Variants in MTARC2 observed in about 807,000 individuals in gnomAD.
The protein encoded by MTARC2 is MOCO sulphurase C-terminal domain containing 2.
Under a neutral mutation model 35.6 loss-of-function variants are expected in MTARC2, and 27 were observed. The ratio of observed to expected loss-of-function variants is 0.76; its 90% confidence interval spans 0.56 to 1.04. MTARC2 has a LOEUF of 1.04. Among genes scored for constraint, MTARC2 ranks in the 50% least tolerant of loss-of-function variants. MTARC2 has a pLI of 0.00. For synonymous variants in MTARC2, 158 were observed against 167.1 expected, an observed-to-expected ratio of 0.95 and a Z score of 0.42; for missense variants, 412 against 432.5, an observed-to-expected ratio of 0.95 and a Z score of 0.42.
intron 1 of MTARC2, among the ~76,000 whole-genome samples, 153 bp from the exon 2 acceptor site, chr1:220,754,794 T>G (rs1671230875): frequency 6.6e-6 from 1 of 152,198 alleles, no homozygotes; most frequent in Non-Finnish European, 1.5e-5. Flanking sequence ...TAGACCCAAA[T>G]CATTTGGCCA....
At position 220,782,283 on chromosome 1, in the gene MTARC2, A is replaced by AT. The variant is rs3830379; in HGVS notation, c.*31+357dup. On this transcript the variant is annotated intron_variant, in intron 7 of 7. Coordinates refer to ENST00000366913, the MANE Select transcript of MTARC2 (RefSeq NM_017898.5). ...TGTACATTCTCAGAGTTATGTATTT[A>AT]TTTTTTCTGTCTCAGATAGAAGGGA... Among the ~76,000 whole-genome samples, 370 of 152,190 alleles carry AT rather than the reference A, an allele frequency of 2.4e-3. 5 individuals are homozygous for AT. The East Asian group carries it at 0.029, about 12-fold the overall frequency.
chr1:220,753,522 G>A (rs146045159), intron 1 of MTARC2, among the ~76,000 whole-genome samples: 11 of 152,268 alleles, frequency 7.2e-5, no homozygotes, highest in Middle Eastern at 3.4e-3. Flanking sequence ...GGGCAGAGAC[G>A]GAGCTCCCTG....
chr1:220,781,875 G>A lies in MTARC2; in HGVS notation c.982G>A (p.Gly328Ser). 6.2e-7 allele frequency: 1 copy of A among 1,614,156 alleles called. No homozygotes were observed. Among genetic ancestry groups the A allele is most frequent in the Non-Finnish European group, 8.5e-7 (1 of 1,180,008 alleles). ...SVEKIGSLRVGDPVYRMV is the reference protein window; with the variant it reads ...SVEKIGSLRVSDPVYRMV ...GGAAAAAATTGGAAGCCTGAGAGTT[G>A]GTGACCCTGTGTATCGGATGGTGTA... Residue 328 changes from glycine to serine, a missense_variant, in exon 7 of 8, where the codon GGT becomes AGT. By Grantham distance (56) the Gly-to-Ser change is moderately conservative (BLOSUM62 0). Transcript: ENST00000366913.
At chr1:220,768,473 C>G (rs12034995) in intron 4 of MTARC2, among the ~76,000 whole-genome samples, 2,023 of 152,188 alleles carry the variant, frequency 0.013, 31 homozygotes, top group East Asian at 0.062. Flanking sequence ...GTAACTTGCT[C>G]TCGAGGTCGC....
chr1:220,756,363 A>G (rs1671281321), intron 2 of MTARC2: 1 of 152,188 alleles, frequency 6.6e-6, no homozygotes. Flanking sequence ...GAAATCCACA[A>G]CTCATGGTTC....
chr1:220,765,594 A>G (rs1671558824), intron 4 of MTARC2, among the ~76,000 whole-genome samples: 2 of 152,092 alleles, frequency 1.3e-5, no homozygotes, highest in Admixed American at 1.3e-4. Context: ...CTTTTTTGAG[A>G]CAAGATCTCA....
intron 4 of MTARC2, among the ~76,000 whole-genome samples, chr1:220,767,057 AT>A (rs1198143983): frequency 1.3e-5 from 2 of 152,058 alleles, no homozygotes; most frequent in African/African-American, 4.8e-5. Context: ...TCCATTTGTC[AT>A]TTTATTCCTG....
intron 6 of MTARC2, 114 bp downstream of exon 6, chr1:220,780,353 C>T (rs1672036303): frequency 3.5e-6 from 3 of 859,118 alleles, no homozygotes; most frequent in South Asian, 1.9e-5. Flanking sequence ...CTCCGGAGAA[C>T]CTTCCAGTCT....
At chr1:220,769,177 A>G (rs1299837994) in intron 4 of MTARC2, among the ~76,000 whole-genome samples, 2 of 152,216 alleles carry the variant, frequency 1.3e-5, no homozygotes, top group African/African-American at 2.4e-5. Context: ...GGCAAGAGGG[A>G]GTGAAAGATG....
intron 2 of MTARC2, among the ~76,000 whole-genome samples, chr1:220,761,198 G>A (rs912526089): frequency 1.3e-5 from 2 of 152,244 alleles, no homozygotes; most frequent in African/African-American, 2.4e-5. Context: ...ACAGGTCAGA[G>A]GAGTTAAATG....
chr1:220,758,970 A>C (rs1259635429), intron 2 of MTARC2, among the ~76,000 whole-genome samples: 1 of 152,114 alleles, frequency 6.6e-6, no homozygotes, highest in African/African-American at 2.4e-5. Context: ...AATCCACCTT[A>C]TCTATGAATA....
chr1:220,776,613 T>A (rs977944527), intron 4 of MTARC2, among the ~76,000 whole-genome samples: 1 of 152,120 alleles, frequency 6.6e-6, no homozygotes, highest in East Asian at 1.9e-4. Context: ...AGCCGGCATT[T>A]GGGGGTGTTG....
At chr1:220,778,384 C>T (rs948391230) in intron 4 of MTARC2, among the ~76,000 whole-genome samples, 2 of 152,060 alleles carry the variant, frequency 1.3e-5, no homozygotes, top group African/African-American at 2.4e-5. Flanking sequence ...CAAAGGGGGT[C>T]CAGCTTCCTA....
At chr1:220,760,276 G>T (rs1440089314) in intron 2 of MTARC2, among the ~76,000 whole-genome samples, 2 of 152,196 alleles carry the variant, frequency 1.3e-5, no homozygotes, top group African/African-American at 4.8e-5. Flanking sequence ...AGGGTAAAAT[G>T]GTTGTACAAG....
At chr1:220,778,724 GAA>G (rs1671987349) in intron 4 of MTARC2, among the ~76,000 whole-genome samples, 1 of 152,276 alleles carries the variant, frequency 6.6e-6, no homozygotes, top group South Asian at 2.1e-4. Flanking sequence ...AAGAACACTT[GAA>G]AAACAGAGGT....
chr1:220,770,064 G>C (rs981595129), intron 4 of MTARC2, among the ~76,000 whole-genome samples: 1 of 151,704 alleles, frequency 6.6e-6, no homozygotes, highest in African/African-American at 2.4e-5. Context: ...CCGAGATCGC[G>C]CCACTACACT....
chr1:220,772,453 CCTGT>C (rs1418066405), intron 4 of MTARC2, among the ~76,000 whole-genome samples: 64 of 152,148 alleles, frequency 4.2e-4, no homozygotes, highest in African/African-American at 1.5e-3. Flanking sequence ...TGTATGGCAT[CCTGT>C]CTTAGTCCCC....
At chr1:220,774,383 TAG>T (rs1370738717) in intron 4 of MTARC2, among the ~76,000 whole-genome samples, 1 of 152,212 alleles carries the variant, frequency 6.6e-6, no homozygotes, top group Admixed American at 6.5e-5. Flanking sequence ...TATAATCATG[TAG>T]AGTCATTGAT....
chr1:220,760,052 G>C (rs915146666), intron 2 of MTARC2, among the ~76,000 whole-genome samples: 1 of 152,158 alleles, frequency 6.6e-6, no homozygotes, highest in African/African-American at 2.4e-5. Context: ...CATGGTAGAT[G>C]AGGGTAGGGG....
Sources: allele counts gnomAD v4.1 joint callset (sites outside exome capture counted in the v4.1 genomes callset), GRCh38; gene constraint gnomAD v4.1.1; transcripts MANE v1.5; gene names NCBI Gene and HGNC (gene_info 2026-07-23, HGNC 2026-07-21).